UNC13C: variants seen among roughly 807,000 people sequenced by gnomAD.
The protein encoded by UNC13C is protein unc-13 homolog C.
Under a neutral mutation model 245.4 loss-of-function variants are expected in UNC13C, and 174 were observed. That is an observed-to-expected ratio of 0.71 (90% CI 0.63 to 0.80). The LOEUF is 0.80. Among genes scored for constraint, UNC13C ranks in the 30% least tolerant of loss-of-function variants. UNC13C has a pLI of 0.00. For missense variants in UNC13C, 2,829 were observed against 2,602.9 expected, an observed-to-expected ratio of 1.09 and a Z score of -1.89; for synonymous variants, 992 against 895.1, an observed-to-expected ratio of 1.11 and a Z score of -1.93.
intron 18 of UNC13C, among the ~76,000 whole-genome samples, chr15:54,395,591 G>A (rs1248060301): frequency 2.0e-5 from 3 of 151,846 alleles, no homozygotes; most frequent in Non-Finnish European, 2.9e-5. Flanking sequence ...CTTGGGTTTT[G>A]TTTTAGAGGC....
intron 4 of UNC13C, among the ~76,000 whole-genome samples, chr15:54,148,931 A>T (rs2032397434): frequency 6.6e-6 from 1 of 152,138 alleles, no homozygotes; most frequent in South Asian, 2.1e-4. Flanking sequence ...GTTGTCTTTT[A>T]TATGGTTTGG....
intron 10 of UNC13C, among the ~76,000 whole-genome samples, chr15:54,285,007 T>A (rs1390113736): frequency 6.6e-6 from 1 of 152,144 alleles, no homozygotes; most frequent in Admixed American, 6.6e-5. Context: ...GGGAAATTAA[T>A]GTAGTTTATA....
chr15:54,023,954 A>G (rs1402824867), intron 2 of UNC13C, among the ~76,000 whole-genome samples: 1 of 152,242 alleles, frequency 6.6e-6, no homozygotes, highest in East Asian at 1.9e-4. Context: ...CTTCAAGCTC[A>G]GAGACATATT....
intron 19 of UNC13C, among the ~76,000 whole-genome samples, chr15:54,415,678 T>C (rs1447557438): frequency 1.3e-5 from 2 of 152,178 alleles, no homozygotes; most frequent in Non-Finnish European, 2.9e-5. Flanking sequence ...TCTTTGTACT[T>C]ATTCAGTGAA....
the UNC13C span, among the ~76,000 whole-genome samples, chr15:53,876,142 A>C: frequency 6.6e-6 from 1 of 152,196 alleles, no homozygotes; most frequent in African/African-American, 2.4e-5. Context: ...TGAATTATTC[A>C]TGATGACTTT....
intron 9 of UNC13C, 29 bp from the exon 10 acceptor site, chr15:54,265,326 G>T: frequency 7.1e-7 from 1 of 1,413,596 alleles, no homozygotes; most frequent in Non-Finnish European, 9.3e-7. Flanking sequence ...GACTCTGTAT[G>T]TTAAAATGTT....
intron 2 of UNC13C, chr15:54,048,501 T>G (rs938110722): frequency 1.3e-5 from 8 of 599,958 alleles, no homozygotes; most frequent in Admixed American, 7.7e-5. Context: ...TCCTGTATGT[T>G]TCCACTAAAC....
chr15:54,583,740 G>A (rs1282067045), intron 30 of UNC13C, among the ~76,000 whole-genome samples: 1 of 152,148 alleles, frequency 6.6e-6, no homozygotes, highest in East Asian at 1.9e-4. Flanking sequence ...CTCTGGTCTG[G>A]GTAACACTTC....
intron 2 of UNC13C, among the ~76,000 whole-genome samples, chr15:54,118,229 T>C (rs901426711): frequency 6.6e-6 from 1 of 152,194 alleles, no homozygotes; most frequent in African/African-American, 2.4e-5. Flanking sequence ...ATATTTAATC[T>C]GTGGATTTCT....
At chr15:54,412,683 C>G (rs936666528) in intron 18 of UNC13C, among the ~76,000 whole-genome samples, 1 of 152,142 alleles carries the variant, frequency 6.6e-6, no homozygotes, top group African/African-American at 2.4e-5. Context: ...TAGACATTTT[C>G]TATGCAGACA....
chr15:54,531,521 C>T (rs1175029408), intron 25 of UNC13C, among the ~76,000 whole-genome samples: 3 of 152,144 alleles, frequency 2.0e-5, no homozygotes, highest in African/African-American at 7.2e-5. Flanking sequence ...GGCAACCTTA[C>T]TCCAATGGTT....
intron 4 of UNC13C, among the ~76,000 whole-genome samples, chr15:54,230,331 G>A (rs1187068191): frequency 6.6e-6 from 1 of 151,962 alleles, no homozygotes; most frequent in Non-Finnish European, 1.5e-5. Flanking sequence ...TTGCATTTCA[G>A]TAATAATTAG....
chr15:53,881,632 G>T, the UNC13C span, among the ~76,000 whole-genome samples: 4 of 152,326 alleles, frequency 2.6e-5, no homozygotes, highest in East Asian at 7.7e-4. Flanking sequence ...GAGCTTTTAA[G>T]CACCTGATTT....
Position 54,536,207 on chromosome 15 carries a change from A to G in UNC13C, c.5696+3141A>G, listed in dbSNP as rs142603786. On this transcript the variant is annotated intron_variant, in intron 26 of 32. Coordinates refer to ENST00000260323, the MANE Select transcript of UNC13C (RefSeq NM_001080534.3). Reference sequence around the variant, plus strand: ...CTCAGAGACTATTACAGAGACCTCTATGCACACAAACTGGAAAACCTAAAA... The same window carrying G: ...CTCAGAGACTATTACAGAGACCTCTGTGCACACAAACTGGAAAACCTAAAA... Among the ~76,000 whole-genome samples, 709 of 152,224 alleles carry G rather than the reference A, an allele frequency of 4.7e-3. 6 individuals are homozygous for G. Among genetic ancestry groups the G allele is most frequent in the African/African-American group, 0.016 (676 of 41,560 alleles).
chr15:54,176,718 A>G (rs2033628044), intron 4 of UNC13C, among the ~76,000 whole-genome samples: 1 of 152,156 alleles, frequency 6.6e-6, no homozygotes, highest in Non-Finnish European at 1.5e-5. Context: ...TCAAATAGTA[A>G]CTTAAAAGCA....
intron 1 of UNC13C, among the ~76,000 whole-genome samples, chr15:54,008,941 G>A (rs946348544): frequency 3.9e-5 from 6 of 152,136 alleles, no homozygotes; most frequent in Non-Finnish European, 5.9e-5. Context: ...TTTTTAAAGA[G>A]TTTCTGGGAG....
chr15:54,587,109 T>A (rs1898534120), intron 30 of UNC13C, among the ~76,000 whole-genome samples: 1 of 152,204 alleles, frequency 6.6e-6, no homozygotes, highest in Non-Finnish European at 1.5e-5. Context: ...TTTTATGAAA[T>A]TATTAATTAG....
intron 13 of UNC13C, among the ~76,000 whole-genome samples, chr15:54,317,010 C>G (rs2038025502): frequency 2.0e-5 from 3 of 151,836 alleles, no homozygotes; most frequent in African/African-American, 7.2e-5. Flanking sequence ...ACCAGGAATA[C>G]AGTAAGTACA....
chr15:54,621,861 A>C (rs1900814766), intron 30 of UNC13C, among the ~76,000 whole-genome samples: 1 of 152,128 alleles, frequency 6.6e-6, no homozygotes, highest in Non-Finnish European at 1.5e-5. Flanking sequence ...AAATTGTTGT[A>C]ATATATTTGC....
Sources: gnomAD v4.1 joint callset for allele counts (sites outside exome capture counted in the v4.1 genomes callset) on GRCh38, gnomAD v4.1.1 for gene constraint, MANE v1.5 for transcripts, NCBI Gene and HGNC (gene_info 2026-07-23, HGNC 2026-07-21) for gene names.